The following ROR2 variants were observed in gnomAD, a reference collection of about 807,000 sequenced individuals.
The protein encoded by ROR2 is ROR family WNT receptor 2.
A neutral mutation model predicts 74.9 loss-of-function variants in ROR2; 33 were observed. That is an observed-to-expected ratio of 0.44 (90% CI 0.33 to 0.59). The LOEUF (loss-of-function observed/expected upper bound fraction) is 0.59. ROR2 is among the 20% of genes least tolerant of loss of function. The pLI, the probability that ROR2 is intolerant of heterozygous loss-of-function variation, is 0.02. For synonymous variants in ROR2, 586 were observed against 558.7 expected (o/e 1.05, Z -0.69); for missense variants, 1,216 against 1,313.8 (o/e 0.93, Z 1.15).
intron 1 of ROR2, among the ~76,000 whole-genome samples, chr9:91,869,110 TG>T (rs1473752936): frequency 2.6e-5 from 4 of 151,988 alleles, no homozygotes; most frequent in Admixed American, 2.6e-4. Flanking sequence ...CAGGCTGGAG[TG>T]CAGTGACACA....
intron 1 of ROR2, among the ~76,000 whole-genome samples, chr9:91,933,129 G>A (rs1430682279): frequency 1.3e-5 from 2 of 152,000 alleles, no homozygotes; most frequent in Non-Finnish European, 2.9e-5. Context: ...TGACTAACAC[G>A]GTCAAACTCC....
chr9:91,796,245 CA>C (rs1341756514), intron 1 of ROR2, among the ~76,000 whole-genome samples: 1 of 151,938 alleles, frequency 6.6e-6, no homozygotes, highest in Non-Finnish European at 1.5e-5. Context: ...AGTTTGAGAC[CA>C]GCTTGGGCAA....
chr9:91,802,026 C>T (rs942257518), intron 1 of ROR2, among the ~76,000 whole-genome samples: 3 of 150,846 alleles, frequency 2.0e-5, no homozygotes, highest in Non-Finnish European at 2.9e-5. Flanking sequence ...ATTTGCTTGA[C>T]GAAGCCCATC....
intron 1 of ROR2, among the ~76,000 whole-genome samples, chr9:91,947,700 A>G (rs904050601): frequency 2.0e-5 from 3 of 152,188 alleles, no homozygotes; most frequent in Non-Finnish European, 4.4e-5. Context: ...AGTATTTGTC[A>G]TCAGAGGAAA....
At position 91,818,142 on chromosome 9, in the gene ROR2, A is replaced by T. The variant is rs76458571; in HGVS notation, c.98-42324T>A. ...AATCATGACTCGCTCAAACAGCCTC[A>T]AAGTTTGACTTCTTTCCAAGAACAT... is the stretch of plus-strand genomic sequence containing the variant. On this transcript the variant is annotated intron_variant, in intron 1 of 8. Transcript: ENST00000375708. Among the ~76,000 whole-genome samples the T allele has an allele frequency of 5.9e-3, 894 of 152,324 alleles. 9 individuals carry two copies. The highest frequency in any genetic ancestry group is 0.02 in the African/African-American group (820 of 41,572).
chr9:91,774,556 A>T (rs768857890), intron 2 of ROR2, among the ~76,000 whole-genome samples: 1 of 152,162 alleles, frequency 6.6e-6, no homozygotes, highest in Non-Finnish European at 1.5e-5. Context: ...CTGCTCCCCA[A>T]ACAGAAAGCC....
chr9:91,925,449 T>C (rs936822724), intron 1 of ROR2, among the ~76,000 whole-genome samples: 1 of 149,492 alleles, frequency 6.7e-6, no homozygotes, highest in East Asian at 2.0e-4. Flanking sequence ...CCCCTGACAA[T>C]GCTGTCAGCT....
intron 3 of ROR2, among the ~76,000 whole-genome samples, chr9:91,756,448 C>G (rs1371475782): frequency 6.6e-6 from 1 of 152,154 alleles, no homozygotes; most frequent in Non-Finnish European, 1.5e-5. Context: ...GAGTTTTTCA[C>G]AGGTGGGATG....
At chr9:91,832,498 G>A (rs112916284) in intron 1 of ROR2, among the ~76,000 whole-genome samples, 23 of 151,976 alleles carry the variant, frequency 1.5e-4, no homozygotes, top group African/African-American at 4.6e-4. Flanking sequence ...GACTGAGGTC[G>A]GCTGTCATGT....
chr9:91,916,495 A>G (rs1448803397), intron 1 of ROR2, among the ~76,000 whole-genome samples: 3 of 151,968 alleles, frequency 2.0e-5, no homozygotes, highest in Non-Finnish European at 4.4e-5. Context: ...TACCCACAGA[A>G]CTCCCTCTTC....
rs759604722 is a variant in ROR2, at chr9:91,724,500, A to G, written c.1994T>C (p.Met665Thr). 6.8e-6 allele frequency: 11 copies of G among 1,614,116 alleles called. No homozygotes were observed. The highest frequency in any genetic ancestry group is 2.2e-5 in the East Asian group (1 of 44,890). The change falls in exon 9 of 9, where the codon ATG becomes ACG. Residue 665 changes from methionine (M) to threonine (T), a missense_variant. Transcript: ENST00000375708. ...TGAGTCGATGGAGAACTTGCCGTAC[A>G]TGATGGCCTCTGGGGCCATCCAGCG... Reference protein sequence around the residue: ...PIRWMAPEAIMYGKFSIDSDI... With the variant: ...PIRWMAPEAITYGKFSIDSDI...
At chr9:91,873,513 G>A (rs1009456521) in intron 1 of ROR2, among the ~76,000 whole-genome samples, 9 of 152,128 alleles carry the variant, frequency 5.9e-5, no homozygotes, top group African/African-American at 1.7e-4. Context: ...GCTTGAACCC[G>A]GGAGGCGGAG....
At chr9:91,857,237 C>T (rs1433666506) in intron 1 of ROR2, among the ~76,000 whole-genome samples, 1 of 152,248 alleles carries the variant, frequency 6.6e-6, no homozygotes, top group African/African-American at 2.4e-5. Flanking sequence ...TAGAATCCTA[C>T]ACATATTACA....
At chr9:91,906,655 G>A (rs749046301) in intron 1 of ROR2, among the ~76,000 whole-genome samples, 5 of 152,170 alleles carry the variant, frequency 3.3e-5, no homozygotes, top group Admixed American at 1.3e-4. Context: ...GTCAATGACC[G>A]TTGCATTATT....
intron 1 of ROR2, among the ~76,000 whole-genome samples, chr9:91,879,757 C>G (rs895314447): frequency 1.1e-4 from 16 of 151,908 alleles, no homozygotes; most frequent in Non-Finnish European, 2.1e-4. Flanking sequence ...AGTCTGGGTG[C>G]AGCAGACTAA....
chr9:91,769,488 C>T (rs534269831), intron 2 of ROR2, among the ~76,000 whole-genome samples: 4 of 152,164 alleles, frequency 2.6e-5, no homozygotes, highest in Non-Finnish European at 4.4e-5. Context: ...CACCACCCCC[C>T]ACTCCTGCCC....
intron 1 of ROR2, among the ~76,000 whole-genome samples, chr9:91,835,517 G>A (rs1828586899): frequency 6.6e-6 from 1 of 151,762 alleles, no homozygotes; most frequent in East Asian, 1.9e-4. Flanking sequence ...ATGTAGATTG[G>A]AACTCTCTCC....
At chr9:91,767,436 G>A (rs541574994) in intron 2 of ROR2, among the ~76,000 whole-genome samples, 4 of 152,166 alleles carry the variant, frequency 2.6e-5, no homozygotes, top group Non-Finnish European at 5.9e-5. Context: ...AATTACTTAG[G>A]CATTGAGGAT....
At chr9:91,817,850 G>A (rs1205287321) in intron 1 of ROR2, among the ~76,000 whole-genome samples, 6 of 151,946 alleles carry the variant, frequency 3.9e-5, no homozygotes, top group African/African-American at 1.4e-4. Context: ...AGGAGGAGGG[G>A]AAAGAGGGAG....
Sources: gnomAD v4.1 joint callset for allele counts (sites outside exome capture counted in the v4.1 genomes callset) on GRCh38, gnomAD v4.1.1 for gene constraint, MANE v1.5 for transcripts, NCBI Gene and HGNC (gene_info 2026-07-23, HGNC 2026-07-21) for gene names.